The following NHS variants were observed in gnomAD, a reference collection of about 807,000 sequenced individuals.
The protein encoded by NHS is NHS actin remodeling regulator, also known as actin remodeling regulator NHS.
A neutral mutation model predicts 72.5 loss-of-function variants in NHS; 5 were observed. The observed-to-expected ratio is 0.07, with a 90% CI of 0.04 to 0.14. The LOEUF (loss-of-function observed/expected upper bound fraction) is 0.14, where lower values mean the gene tolerates loss of function less well. Among genes scored for constraint, NHS ranks in the 10% least tolerant of loss-of-function variants. The pLI, the probability that NHS is intolerant of heterozygous loss-of-function variation, is 1.00. For synonymous variants in NHS, 464 were observed against 547.7 expected, an observed-to-expected ratio of 0.85 and a Z score of 2.13; for missense variants, 1,072 against 1,355.7, an observed-to-expected ratio of 0.79 and a Z score of 3.29.
intron 3 of NHS, among the ~76,000 whole-genome samples, chrX:17,702,051 G>C (rs893437088): frequency 9.0e-6 from 1 of 111,157 alleles, no homozygotes; most frequent in African/African-American, 3.3e-5. Flanking sequence ...GAGTGGGAGT[G>C]GGGTAGAAAG....
chrX:17,391,745 T>C (rs911703173), intron 1 of NHS, among the ~76,000 whole-genome samples: 2 of 111,980 alleles, frequency 1.8e-5, no homozygotes, highest in African/African-American at 6.5e-5. Flanking sequence ...TTGGGGAGTG[T>C]GTACTTCTGC....
At chrX:17,446,503 C>A (rs1184774435) in intron 1 of NHS, among the ~76,000 whole-genome samples, 1 of 109,452 alleles carries the variant, frequency 9.1e-6, no homozygotes, top group Non-Finnish European at 1.9e-5. Context: ...CCTTGTGACC[C>A]CCGCCCCTGC....
At chrX:17,652,962 C>T (rs2065937233) in intron 1 of NHS, among the ~76,000 whole-genome samples, 2 of 111,089 alleles carry the variant, frequency 1.8e-5, no homozygotes, top group South Asian at 7.7e-4. Context: ...ATGTCAGCTC[C>T]AACTGGGCCC....
chrX:17,409,503 T>C (rs2064546937), intron 1 of NHS, among the ~76,000 whole-genome samples: 1 of 110,677 alleles, frequency 9.0e-6, no homozygotes, highest in Non-Finnish European at 1.9e-5. Flanking sequence ...CAGGATAAGC[T>C]GGGTTATGCC....
Position 17,727,007 on chromosome X carries a change from C to T in NHS, c.2901C>T (p.Ser967=). ...CTTATAGATCTCTATCTAATTCAAG[C>T]ACCGCTACGGGTACCACAGTCATTG... is the stretch of plus-strand genomic sequence containing the variant. The part of the protein sequence containing the change: ...NDPYRSLSNS[S]TATGTTVIEC... The change falls in exon 7 of 9, where the codon AGC becomes AGT. Residue 967 remains serine, a synonymous_variant. Coordinates refer to ENST00000676302, the MANE Select transcript of NHS (RefSeq NM_001291867.2). 1 of 1,211,780 alleles carries T rather than the reference C, an allele frequency of 8.3e-7. No individual in the cohort carries two copies. Among genetic ancestry groups the T allele is most frequent in the Non-Finnish European group, 1.1e-6 (1 of 895,415 alleles).
In NHS at chrX:17,386,263, A is replaced by G. The variant is rs148739050; in HGVS notation, c.565+9941A>G. Among the ~76,000 whole-genome samples, 35 of 111,697 alleles carry G rather than the reference A, an allele frequency of 3.1e-4. No individual in the cohort carries two copies. The East Asian group carries it at 9.3e-3, about 30-fold the overall frequency. On this transcript the variant is annotated intron_variant, in intron 1 of 8. Coordinates refer to ENST00000676302, the MANE Select transcript of NHS (RefSeq NM_001291867.2). ...CTTCATCCCAGGTAAAACAACTTCA[A>G]TTCCTTCAACCAGGCTTCCTAATGC... is the stretch of plus-strand genomic sequence containing the variant.
intron 1 of NHS, among the ~76,000 whole-genome samples, chrX:17,682,235 A>C (rs1463747574): frequency 8.9e-6 from 1 of 111,732 alleles, no homozygotes; most frequent in African/African-American, 3.3e-5. Context: ...AGCAACAGAC[A>C]CCTTAGGGAA....
At chrX:17,653,307 T>C (rs1393443522) in intron 1 of NHS, among the ~76,000 whole-genome samples, 1 of 111,892 alleles carries the variant, frequency 8.9e-6, no homozygotes, top group Non-Finnish European at 1.9e-5. Flanking sequence ...AGGTTCAAGA[T>C]TCAGAGAGTC....
chrX:17,735,352 T>G lies in NHS; in HGVS notation c.*2888T>G, dbSNP rs1244609536. The G allele has an allele frequency of 8.8e-6, 1 of 113,202 alleles. No individual in the cohort carries two copies. The highest frequency in any genetic ancestry group is 1.9e-5 in the Non-Finnish European group (1 of 53,374). The allele number at this position is 113,202 out of a possible 1,213,427, so 9.3% of individuals were successfully genotyped here. The stretch of plus-strand genomic sequence containing the variant: ...CCGTCTTGAAGCAGGGTACACACGT[T>G]AGGTATTGTGAAGAACATCAATCCG... On this transcript the variant is annotated 3_prime_UTR_variant, in exon 9 of 9. Coordinates refer to ENST00000676302, the MANE Select transcript of NHS (RefSeq NM_001291867.2).
At chrX:17,605,764 G>A (rs1485685286) in intron 1 of NHS, among the ~76,000 whole-genome samples, 1 of 111,031 alleles carries the variant, frequency 9.0e-6, no homozygotes. Context: ...GGGGCTAGCC[G>A]GCCTCCAACT....
In NHS at chrX:17,480,021, C is replaced by T. The variant is rs191249441; in HGVS notation, c.565+103699C>T. ...GGTTTTCTTCTAGGGTTTGGACTCT[C>T]ATTTGCAATTGCTACAAAGAGAATA... On this transcript the variant is annotated intron_variant, in intron 1 of 8. Coordinates refer to ENST00000676302, the MANE Select transcript of NHS (RefSeq NM_001291867.2). Among the ~76,000 whole-genome samples, 35 of 111,510 alleles carry T rather than the reference C, an allele frequency of 3.1e-4. No individual in the cohort carries two copies. The Admixed American group carries it at 3.4e-3, about 11-fold the overall frequency.
chrX:17,700,451 AAAAG>A (rs2066256594), intron 3 of NHS, among the ~76,000 whole-genome samples: 1 of 110,031 alleles, frequency 9.1e-6, no homozygotes, highest in South Asian at 3.9e-4. Context: ...CAAAAAAAAA[AAAAG>A]AAAAGAAAAA....
chrX:17,627,268 G>A (rs2065802228), intron 1 of NHS, among the ~76,000 whole-genome samples: 1 of 112,104 alleles, frequency 8.9e-6, no homozygotes, highest in Non-Finnish European at 1.9e-5. Context: ...GCATCCATCA[G>A]GAGCTCAGTG....
chrX:17,697,994 A>G (rs2066241497), intron 3 of NHS, among the ~76,000 whole-genome samples: 1 of 111,572 alleles, frequency 9.0e-6, no homozygotes, highest in South Asian at 3.7e-4. Flanking sequence ...AGAGAAGACA[A>G]CACATCTTAC....
At chrX:17,538,883 T>A (rs2065247906) in intron 1 of NHS, among the ~76,000 whole-genome samples, 1 of 111,994 alleles carries the variant, frequency 8.9e-6, no homozygotes, top group Non-Finnish European at 1.9e-5. Flanking sequence ...GTACAGTGAC[T>A]CTCCCTCTCT....
chrX:17,687,372 T>A, intron 1 of NHS: 1 of 242,095 alleles, frequency 4.1e-6, no homozygotes, highest in Non-Finnish European at 7.7e-6. Context: ...CTCTGAGGCT[T>A]TCCTCCACAT....
intron 1 of NHS, among the ~76,000 whole-genome samples, chrX:17,501,891 T>A (rs1319490573): frequency 8.9e-6 from 1 of 112,158 alleles, no homozygotes; most frequent in Non-Finnish European, 1.9e-5. Flanking sequence ...AAAATGCAGC[T>A]CTAGGCCAAC....
At position 17,457,593 on chromosome X, in the gene NHS, G is replaced by T. The variant is rs1458280535; in HGVS notation, c.565+81271G>T. On this transcript the variant is annotated intron_variant, in intron 1 of 8. Coordinates refer to ENST00000676302, the MANE Select transcript of NHS (RefSeq NM_001291867.2). The stretch of plus-strand genomic sequence containing the variant: ...AACATTGGAGATTAAATTTCAACAT[G>T]AGCTTTGGAGGAAACAAATATCCAA... Among the ~76,000 whole-genome samples, 5 of 111,534 alleles carry T rather than the reference G, an allele frequency of 4.5e-5. No homozygotes were observed. In the Admixed American group the frequency reaches 4.8e-4, roughly 11 times the overall value.
intron 1 of NHS, among the ~76,000 whole-genome samples, chrX:17,600,817 GAGA>G (rs1230568833): frequency 1.8e-5 from 2 of 110,338 alleles, no homozygotes; most frequent in Non-Finnish European, 3.8e-5. Context: ...GAAGGAAGGA[GAGA>G]AGGAGAGAGA....
Sources: allele counts gnomAD v4.1 joint callset (sites outside exome capture counted in the v4.1 genomes callset), GRCh38; gene constraint gnomAD v4.1.1; transcripts MANE v1.5; gene names NCBI Gene and HGNC (gene_info 2026-07-23, HGNC 2026-07-21).